The following WDR64 variants were observed in gnomAD, a reference collection of about 807,000 sequenced individuals.
The protein encoded by WDR64 is WD repeat domain 64.
In WDR64, 112 loss-of-function variants were observed where a neutral mutation model predicts 139.3. The observed-to-expected ratio is 0.80, with a 90% CI of 0.69 to 0.94. The LOEUF (loss-of-function observed/expected upper bound fraction) is 0.94, where lower values mean the gene tolerates loss of function less well. WDR64 is among the 40% of genes least tolerant of loss of function. The pLI is 0.00. For synonymous variants in WDR64, 444 were observed against 437.7 expected (o/e 1.01, Z -0.18); for missense variants, 1,206 against 1,293.1 (o/e 0.93, Z 1.03).
intron 4 of WDR64, among the ~76,000 whole-genome samples, 174 bp downstream of exon 4, chr1:241,674,921 C>T (rs1257262771): frequency 1.6e-5 from 1 of 61,794 alleles, no homozygotes; most frequent in Non-Finnish European, 3.9e-5. Flanking sequence ...TCCTTCCTTC[C>T]TTCTTTCCTT....
At chr1:241,699,119 C>T (rs997407436) in intron 8 of WDR64, among the ~76,000 whole-genome samples, 2 of 152,180 alleles carry the variant, frequency 1.3e-5, no homozygotes, top group African/African-American at 4.8e-5. Context: ...CCTCCTATGA[C>T]ATGTGAGGAT....
chr1:241,774,275 C>G (rs767598668), intron 20 of WDR64, among the ~76,000 whole-genome samples: 2 of 152,188 alleles, frequency 1.3e-5, no homozygotes, highest in African/African-American at 2.4e-5. Flanking sequence ...CTAAGTGTAC[C>G]AGTAGATCCT....
At chr1:241,655,686 G>C (rs1665563035) in intron 1 of WDR64, among the ~76,000 whole-genome samples, 2 of 128,948 alleles carry the variant, frequency 1.6e-5, no homozygotes, top group Non-Finnish European at 3.2e-5. Context: ...CCCCAATATG[G>C]AGTGCCTTTT....
chr1:241,709,825 C>T (rs1039240102), intron 8 of WDR64, among the ~76,000 whole-genome samples: 3 of 151,902 alleles, frequency 2.0e-5, no homozygotes, highest in Admixed American at 2.0e-4. Context: ...CAAAAATAGC[C>T]CTTTCACAAG....
At chr1:241,745,189 C>T (rs551010777) in intron 13 of WDR64, among the ~76,000 whole-genome samples, 11 of 152,214 alleles carry the variant, frequency 7.2e-5, no homozygotes, top group Non-Finnish European at 1.2e-4. Context: ...GCATGAGCTA[C>T]TCTGAATATA....
intron 1 of WDR64, among the ~76,000 whole-genome samples, chr1:241,655,192 T>TG (rs1665534860): frequency 6.6e-6 from 1 of 151,950 alleles, no homozygotes; most frequent in Non-Finnish European, 1.5e-5. Context: ...AGACCAGCCT[T>TG]GCCAACATGA....
intron 8 of WDR64, among the ~76,000 whole-genome samples, chr1:241,709,451 C>T (rs918332386): frequency 1.3e-5 from 2 of 152,126 alleles, no homozygotes; most frequent in Admixed American, 6.5e-5. Flanking sequence ...ATATAAACTA[C>T]CTTAAAGTTA....
Position 241,683,713 on chromosome 1 carries a change from A to C in WDR64, c.839+12A>C, listed in dbSNP as rs1666905555. 3 of 1,504,548 alleles carry C rather than the reference A, an allele frequency of 2.0e-6. No individual in the cohort carries two copies. Among genetic ancestry groups the C allele is most frequent in the Admixed American group, 4.4e-5 (2 of 45,918 alleles). 93.2% of individuals were successfully genotyped at this position (1,504,548 alleles called of 1,614,324 possible). A position where few individuals can be genotyped will look rare whatever the true frequency, so the allele number is the denominator to read the frequency against. ...AAGAACTTTAAAAGGTAAGAGTATC[A>C]TACAGTTAATTTAATTCTTTTAATA... On this transcript the variant is annotated intron_variant, in intron 7 of 27. Transcript: ENST00000437684.
chr1:241,758,826 C>G (rs370716751), intron 15 of WDR64, among the ~76,000 whole-genome samples: 1 of 152,044 alleles, frequency 6.6e-6, no homozygotes, highest in Non-Finnish European at 1.5e-5. Flanking sequence ...CCAATATATT[C>G]TACTTCTTTT....
At chr1:241,698,049 C>T (rs1290515873) in intron 8 of WDR64, among the ~76,000 whole-genome samples, 3 of 152,152 alleles carry the variant, frequency 2.0e-5, no homozygotes, top group South Asian at 2.1e-4. Context: ...TACACTGATA[C>T]CTATGTACTA....
chr1:241,746,774 T>TG (rs1558504574), intron 13 of WDR64, among the ~76,000 whole-genome samples: 2 of 151,792 alleles, frequency 1.3e-5, no homozygotes, highest in Non-Finnish European at 2.9e-5. Flanking sequence ...TTTTTTTTTT[T>TG]TGTGATGGAG....
intron 13 of WDR64, among the ~76,000 whole-genome samples, chr1:241,748,032 T>C (rs1254035124): frequency 6.6e-6 from 1 of 152,190 alleles, no homozygotes; most frequent in Admixed American, 6.5e-5. Flanking sequence ...CACACAGTGC[T>C]GGCCTCCCTC....
intron 8 of WDR64, among the ~76,000 whole-genome samples, chr1:241,702,430 A>G (rs1413530290): frequency 6.6e-6 from 1 of 152,166 alleles, no homozygotes; most frequent in Non-Finnish European, 1.5e-5. Context: ...AACTCACGTA[A>G]AGTGCCTTGT....
intron 8 of WDR64, among the ~76,000 whole-genome samples, chr1:241,698,050 C>T (rs1337696798): frequency 6.6e-6 from 1 of 152,168 alleles, no homozygotes; most frequent in Non-Finnish European, 1.5e-5. Context: ...ACACTGATAC[C>T]TATGTACTAA....
intron 9 of WDR64, 146 bp downstream of exon 9, chr1:241,712,027 A>C (rs971292644): frequency 2.6e-6 from 2 of 755,958 alleles, no homozygotes; most frequent in Non-Finnish European, 2.1e-6. Flanking sequence ...TGGCGTCTGG[A>C]TTTGATAACA....
chr1:241,660,425 G>C, intron 1 of WDR64, 105 bp from the exon 2 acceptor site: 1 of 1,380,864 alleles, frequency 7.2e-7, no homozygotes, highest in South Asian at 1.4e-5. Context: ...GGTTTTTATA[G>C]ATTGAGAAAA....
rs1659362501 is a variant in WDR64 at position 241,796,301 on chromosome 1, A to G, written c.3123A>G (p.Val1041=). 5 of 1,613,926 alleles carry G rather than the reference A, an allele frequency of 3.1e-6. No homozygotes were observed. Among genetic ancestry groups the G allele is most frequent in the Non-Finnish European group, 3.4e-6 (4 of 1,179,906 alleles). Residue 1041 remains valine (V), a synonymous_variant, in exon 27 of 28, where the codon GTA becomes GTG. Coordinates refer to ENST00000437684, the MANE Select transcript of WDR64 (RefSeq NM_001367482.1). ...TAAGATTTCTTCCACTGATTGGCGT[A>G]GAAGCCCAAAAGGACTCTTCAGATG... ...TSLRFLPLIG[V]EAQKDSSDGI... is the part of the protein sequence containing the mutation.
At chr1:241,793,106 G>C (rs1209678395) in intron 25 of WDR64, among the ~76,000 whole-genome samples, 3 of 152,186 alleles carry the variant, frequency 2.0e-5, no homozygotes, top group Non-Finnish European at 4.4e-5. Flanking sequence ...AGCAACTATT[G>C]AATGAGAACA....
At chr1:241,705,547 AAAT>A (rs1475298224) in intron 8 of WDR64, among the ~76,000 whole-genome samples, 13 of 26,688 alleles carry the variant, frequency 4.9e-4, no homozygotes, top group African/African-American at 1.8e-3. Context: ...GTCTCTAAAA[AAAT>A]AAATAAATAA....
Sources: allele counts gnomAD v4.1 joint callset (sites outside exome capture counted in the v4.1 genomes callset), GRCh38; gene constraint gnomAD v4.1.1; transcripts MANE v1.5; gene names NCBI Gene and HGNC (gene_info 2026-07-23, HGNC 2026-07-21).